Variants in REXO1 observed in about 807,000 individuals in gnomAD.
The protein encoded by REXO1 is REX1, RNA exonuclease 1 homolog.
In REXO1, 42 loss-of-function variants were observed where a neutral mutation model predicts 102.6. The observed-to-expected ratio is 0.41, with a 90% CI of 0.32 to 0.53. The LOEUF is 0.53. Ranked by LOEUF, REXO1 falls within the 20% of genes least tolerant of loss-of-function variation. REXO1 has a pLI of 0.27. For synonymous variants in REXO1, 908 were observed against 779.1 expected, an observed-to-expected ratio of 1.17 and a Z score of -2.76; for missense variants, 1,819 against 1,732.5, an observed-to-expected ratio of 1.05 and a Z score of -0.89.
Position 1,823,975 on chromosome 19 carries a change from C to G in REXO1, c.2017-190G>C, listed in dbSNP as rs189045797. ...CAGTGGTCCTCAATGCCATGTGGCT[C>G]CAGGCTCCCCCACTCCCAGTGTCTC... On this transcript the variant is annotated intron_variant, in intron 3 of 15. Coordinates refer to ENST00000170168, the MANE Select transcript of REXO1 (RefSeq NM_020695.4). 4.0e-5 allele frequency: 16 copies of G among 395,858 alleles called. No individual in the cohort carries two copies. In the Admixed American group the frequency reaches 5.3e-4, roughly 13 times the overall value. 24.5% of individuals were successfully genotyped at this position (395,858 alleles called of 1,614,324 possible).
chr19:1,846,636 C>T (rs1183261895), intron 1 of REXO1, among the ~76,000 whole-genome samples: 1 of 152,194 alleles, frequency 6.6e-6, no homozygotes, highest in Non-Finnish European at 1.5e-5. Flanking sequence ...CACCTGTAAC[C>T]CCAGCACTTT....
intron 1 of REXO1, among the ~76,000 whole-genome samples, chr19:1,840,153 A>G (rs1324556380): frequency 6.6e-6 from 1 of 152,176 alleles, no homozygotes. Flanking sequence ...CACACCCCCA[A>G]GCACACGCTC....
chr19:1,815,767 G>C lies in REXO1; in HGVS notation c.*299C>G. 1 of 1,434,972 alleles carries C rather than the reference G, an allele frequency of 7.0e-7. No individual in the cohort carries two copies. The highest frequency in any genetic ancestry group is 9.2e-7 in the Non-Finnish European group (1 of 1,090,426). 88.9% of individuals were successfully genotyped at this position (1,434,972 alleles called of 1,614,324 possible). ...ACCCGGGAGGGAGGGCCTGGCAGGA[G>C]GGGCAGGAGGGGCTGCGGGCCGGGT... is the stretch of plus-strand genomic sequence containing the variant. On this transcript the variant is annotated 3_prime_UTR_variant, in exon 16 of 16. Transcript: ENST00000170168. This position sits in a 1 kb window ranked among gnomAD's most constrained non-coding sequence, Gnocchi z 4.0.
chr19:1,819,992 G>C lies in REXO1; in HGVS notation c.2592C>G (p.Ala864=). The C allele has an allele frequency of 1.3e-6, 2 of 1,598,216 alleles. No individual in the cohort carries two copies. Among genetic ancestry groups the C allele is most frequent in the Non-Finnish European group, 1.7e-6 (2 of 1,175,372 alleles). The change falls in exon 7 of 16, where the codon GCC becomes GCG. Residue 864 remains alanine, a synonymous_variant. Coordinates refer to ENST00000170168, the MANE Select transcript of REXO1 (RefSeq NM_020695.4). The part of the protein sequence containing the change: ...SPSKNIYLNV[A]VNTLKKLRGL... Reference sequence around the variant, plus strand: ...CCCTGAGCTTCTTGAGGGTGTTCACGGCCACATTCAGGTAGATGTTCTTGC... The same window carrying C: ...CCCTGAGCTTCTTGAGGGTGTTCACCGCCACATTCAGGTAGATGTTCTTGC...
chr19:1,828,055 A>T lies in REXO1; in HGVS notation c.734T>A (p.Leu245His). The T allele has an allele frequency of 6.2e-7, 1 of 1,613,018 alleles. No homozygotes were observed. Among genetic ancestry groups the T allele is most frequent in the Non-Finnish European group, 8.5e-7 (1 of 1,179,798 alleles). ...CTCATCCCGGGAGCTGGCCCTGCTG[A>T]GGTGCCGGGCCGAGTAGTTGGAGAG... Reference protein sequence around the residue: ...DPLSNYSARHLSRASSRDERA... With the variant: ...DPLSNYSARHHSRASSRDERA... Residue 245 changes from leucine to histidine, a missense_variant, in exon 2 of 16, where the codon CTC becomes CAC. Coordinates refer to ENST00000170168, the MANE Select transcript of REXO1 (RefSeq NM_020695.4).
intron 7 of REXO1, among the ~76,000 whole-genome samples, chr19:1,819,393 C>A (rs1428025952): frequency 6.6e-6 from 1 of 152,170 alleles, no homozygotes; most frequent in African/African-American, 2.4e-5. Flanking sequence ...TCGTCCCCTC[C>A]CCTCAAGCGA....
At chr19:1,836,980 G>A (rs929163481) in intron 1 of REXO1, among the ~76,000 whole-genome samples, 8 of 152,198 alleles carry the variant, frequency 5.3e-5, no homozygotes, top group Non-Finnish European at 8.8e-5. Flanking sequence ...CTGACACTGC[G>A]GCATGAGATA....
intron 4 of REXO1, chr19:1,823,232 G>A: frequency 3.3e-6 from 1 of 304,420 alleles, no homozygotes. Flanking sequence ...CACACCTGCA[G>A]AAGCCTGCTC....
At chr19:1,843,607 C>A (rs150133241) in intron 1 of REXO1, among the ~76,000 whole-genome samples, 71 of 152,340 alleles carry the variant, frequency 4.7e-4, no homozygotes, top group African/African-American at 1.6e-3. Flanking sequence ...CCACCTGCCA[C>A]CCGCTGGTAA....
At chr19:1,845,202 G>A (rs538956137) in intron 1 of REXO1, among the ~76,000 whole-genome samples, 4 of 152,320 alleles carry the variant, frequency 2.6e-5, no homozygotes, top group East Asian at 3.9e-4. Flanking sequence ...AGCAGAGAGC[G>A]GCCACTGGGG....
rs764833254 is a variant in REXO1 at position 1,818,493 on chromosome 19, C to T, written c.3005G>A (p.Arg1002His). Residue 1002 changes from arginine (R) to histidine (H), a missense_variant, in exon 10 of 16, where the codon CGC becomes CAC. Physicochemically the swap from Arg to His is conservative, Grantham distance 29 (BLOSUM62 0). Coordinates refer to ENST00000170168, the MANE Select transcript of REXO1 (RefSeq NM_020695.4). ...EECYYHWGRL[R>H]RNRVAGGWET... Reference sequence around the variant, plus strand: ...GGGTAAGGCCTTACCCCGGTTCCGGCGCAGCCGTCCCCAGTGGTAATAACA... The same window carrying T: ...GGGTAAGGCCTTACCCCGGTTCCGGTGCAGCCGTCCCCAGTGGTAATAACA... 7 of 1,603,636 alleles carry T rather than the reference C, an allele frequency of 4.4e-6. No individual in the cohort carries two copies. The highest frequency in any genetic ancestry group is 4.5e-5 in the East Asian group (2 of 44,448).
chr19:1,825,786 T>TAAA, intron 3 of REXO1, 53 bp downstream of exon 3: 10 of 1,137,544 alleles, frequency 8.8e-6, no homozygotes, highest in Non-Finnish European at 1.1e-5. Context: ...AACCTCGTCT[T>TAAA]TAAAAAAAAA....
Position 1,828,425 on chromosome 19 carries a change from C to G in REXO1, c.364G>C (p.Ala122Pro). ...CGGGGCGCCAGGGCGGGGGCCTCGGCGGAGCGGTGCTCACGGGTCGTCTCC... is the reference window on the plus strand; with the variant it reads ...CGGGGCGCCAGGGCGGGGGCCTCGGGGGAGCGGTGCTCACGGGTCGTCTCC... ...LLETTREHRSAEAPALAPRGP... is the reference protein window; with the variant it reads ...LLETTREHRSPEAPALAPRGP... The change falls in exon 2 of 16, where the codon GCC becomes CCC. Residue 122 changes from alanine to proline, a missense_variant. Physicochemically the swap from Ala to Pro is conservative, Grantham distance 27. Coordinates refer to ENST00000170168, the MANE Select transcript of REXO1 (RefSeq NM_020695.4). 1.2e-6 allele frequency: 2 copies of G among 1,608,388 alleles called. No homozygotes were observed. The highest frequency in any genetic ancestry group is 1.7e-6 in the Non-Finnish European group (2 of 1,178,298).
chr19:1,825,808 C>A, intron 3 of REXO1, 31 bp downstream of exon 3: 4 of 1,190,976 alleles, frequency 3.4e-6, no homozygotes, highest in Non-Finnish European at 4.8e-6. Flanking sequence ...AAAAAAAAGG[C>A]TCCTGCTGGC....
At position 1,828,232 on chromosome 19, in the gene REXO1, T is replaced by C; in HGVS notation, c.557A>G (p.Asp186Gly). The change falls in exon 2 of 16, where the codon GAC becomes GGC. Residue 186 changes from aspartate to glycine, a missense_variant. By Grantham distance (94) the Asp-to-Gly change is moderately conservative. Coordinates refer to ENST00000170168, the MANE Select transcript of REXO1 (RefSeq NM_020695.4). ...PGSKYSLASL[D>G]RGQGRGGGGG... is the part of the protein sequence containing the mutation. Reference sequence around the variant, plus strand: ...CCCTCCACCTCTGCCCTGACCCCTGTCCAGGGACGCCAGCGAGTACTTGCT... The same window carrying C: ...CCCTCCACCTCTGCCCTGACCCCTGCCCAGGGACGCCAGCGAGTACTTGCT... 6.2e-7 allele frequency: 1 copy of C among 1,606,792 alleles called. No individual in the cohort carries two copies. The highest frequency in any genetic ancestry group is 8.5e-7 in the Non-Finnish European group (1 of 1,176,814).
intron 1 of REXO1, among the ~76,000 whole-genome samples, chr19:1,841,928 A>G (rs1422435042): frequency 6.6e-6 from 1 of 152,156 alleles, no homozygotes; most frequent in African/African-American, 2.4e-5. Flanking sequence ...ACACAAAAAC[A>G]GGCCCAGCAC....
intron 1 of REXO1, among the ~76,000 whole-genome samples, chr19:1,843,749 G>A (rs985923575): frequency 1.3e-5 from 2 of 152,232 alleles, no homozygotes; most frequent in African/African-American, 2.4e-5. Context: ...AAGTCGGACC[G>A]AGGAGAGCAC....
chr19:1,845,943 G>A (rs1599179338), intron 1 of REXO1, among the ~76,000 whole-genome samples: 1 of 152,276 alleles, frequency 6.6e-6, no homozygotes, highest in South Asian at 2.1e-4. Flanking sequence ...GGCAAAACAC[G>A]TTCCTCGATA....
chr19:1,834,480 T>A (rs1005274726), intron 1 of REXO1, among the ~76,000 whole-genome samples: 1 of 152,138 alleles, frequency 6.6e-6, no homozygotes, highest in South Asian at 2.1e-4. Flanking sequence ...AGTGGTACCA[T>A]GATGGCTCGC....
Sources: allele counts gnomAD v4.1 joint callset (sites outside exome capture counted in the v4.1 genomes callset), GRCh38; gene constraint gnomAD v4.1.1; non-coding constraint Gnocchi (gnomAD v3.1); transcripts MANE v1.5; gene names NCBI Gene and HGNC (gene_info 2026-07-23, HGNC 2026-07-21).